Variants in SMIM15 observed in about 807,000 individuals in gnomAD.
SMIM15 encodes the protein UPF0542 protein C5orf43.
Under a neutral mutation model 6.8 loss-of-function variants are expected in SMIM15, and 5 were observed. The observed-to-expected ratio is 0.74, with a 90% CI of 0.39 to 1.56. The LOEUF is 1.56. Among genes scored for constraint, SMIM15 ranks in the 40% most tolerant of loss-of-function variants. SMIM15 has a pLI of 0.03. For synonymous variants in SMIM15, 30 were observed against 30.8 expected (o/e 0.97, Z 0.09); for missense variants, 81 against 84.8 (o/e 0.96, Z 0.18).
chr5:61,158,027 T>TACACAC lies in SMIM15; in HGVS notation c.*1919_*1920insGTGTGT, dbSNP rs1447371516. 1.7e-3 allele frequency: 97 copies of TACACAC among 57,000 alleles called. No individual in the cohort carries two copies. The highest frequency in any genetic ancestry group is 3.0e-3 in the Non-Finnish European group (77 of 25,692). The allele number at this position is 57,000 out of a possible 1,614,324, so 3.5% of individuals were successfully genotyped here. On this transcript the variant is annotated 3_prime_UTR_variant, in exon 3 of 3. Transcript: ENST00000339020. ...CACACACACACACACACACACACTG[T>TACACAC]AAAGTATGAATCTCACATATATAGA...
chr5:61,160,428 G>C (rs1377642399), intron 2 of SMIM15, among the ~76,000 whole-genome samples: 1 of 151,988 alleles, frequency 6.6e-6, no homozygotes, highest in African/African-American at 2.4e-5. Flanking sequence ...ACTTCAAAGA[G>C]GTAAAGTTAT....
Position 61,159,803 on chromosome 5 carries a change from A to G in SMIM15, c.*144T>C. The G allele has an allele frequency of 2.2e-6, 2 of 908,188 alleles. No individual in the cohort carries two copies. Among genetic ancestry groups the G allele is most frequent in the Non-Finnish European group, 3.3e-6 (2 of 608,110 alleles). The allele number at this position is 908,188 out of a possible 1,614,324, so 56.3% of individuals were successfully genotyped here. On this transcript the variant is annotated 3_prime_UTR_variant, in exon 3 of 3. Transcript: ENST00000339020. ...AAGTTACTATAGTATTGAGGTCAGA[A>G]CTAACATGATTCTTCCATTTGGTCA...
chr5:61,159,657 T>A lies in SMIM15; in HGVS notation c.*290A>T. The A allele has an allele frequency of 2.9e-6, 1 of 341,230 alleles. No individual in the cohort carries two copies. Among genetic ancestry groups the A allele is most frequent in the Non-Finnish European group, 5.4e-6 (1 of 185,770 alleles). The allele number at this position is 341,230 out of a possible 1,614,324, so 21.1% of individuals were successfully genotyped here. ...CTTTTCCCCACAAGATGTTTTCATTTCAGTATATAAACTGCTAAGCGGCAA... is the reference window on the plus strand; with the variant it reads ...CTTTTCCCCACAAGATGTTTTCATTACAGTATATAAACTGCTAAGCGGCAA... On this transcript the variant is annotated 3_prime_UTR_variant, in exon 3 of 3. Coordinates refer to ENST00000339020, the MANE Select transcript of SMIM15 (RefSeq NM_001048249.4).
rs1741409255 is a variant in SMIM15, at chr5:61,161,071, T to TA, written c.-29+16_-29+17insT. On this transcript the variant is annotated intron_variant, in intron 2 of 2. Transcript: ENST00000339020. Reference sequence around the variant, plus strand: ...ACTTACAATTTCAACTGGAATTTTTTTAAAAAAATCATCTACCTTATGCTT... The same window carrying TA: ...ACTTACAATTTCAACTGGAATTTTTTATAAAAAAATCATCTACCTTATGCTT... 6.6e-6 allele frequency: 1 copy of TA among 152,146 alleles called. No homozygotes were observed. Among genetic ancestry groups the TA allele is most frequent in the Non-Finnish European group, 1.5e-5 (1 of 68,016 alleles). 9.4% of individuals were successfully genotyped at this position (152,146 alleles called of 1,614,324 possible).
rs775831887 is a variant in SMIM15 at position 61,158,889 on chromosome 5, A to G, written c.*1058T>C. The G allele has an allele frequency of 2.0e-5, 3 of 152,172 alleles. No homozygotes were observed. Among genetic ancestry groups the G allele is most frequent in the South Asian group, 2.1e-4 (1 of 4,832 alleles). 9.4% of individuals were successfully genotyped at this position (152,172 alleles called of 1,614,324 possible). ...TGATATAATTTATCCTTTTCACCCAATCACTACTATGCCCAACAAAATGTT... is the reference window on the plus strand; with the variant it reads ...TGATATAATTTATCCTTTTCACCCAGTCACTACTATGCCCAACAAAATGTT... On this transcript the variant is annotated 3_prime_UTR_variant, in exon 3 of 3. Transcript: ENST00000339020.
chr5:61,161,825 ATATCT>A (rs1741422800), intron 1 of SMIM15, among the ~76,000 whole-genome samples: 2 of 152,216 alleles, frequency 1.3e-5, no homozygotes, highest in Non-Finnish European at 2.9e-5. Context: ...AATACGTTAA[ATATCT>A]TAGCTCCTGG....
chr5:61,160,711 T>C (rs561209254), intron 2 of SMIM15, among the ~76,000 whole-genome samples: 12 of 152,372 alleles, frequency 7.9e-5, no homozygotes, highest in African/African-American at 2.4e-4. Context: ...AGATGACTAT[T>C]TCCCCGAATG....
In SMIM15 at chr5:61,162,181, C is replaced by T. The variant is rs1741432564; in HGVS notation, c.-169+36G>A. 1 of 152,522 alleles carries T rather than the reference C, an allele frequency of 6.6e-6. No individual in the cohort carries two copies. Among genetic ancestry groups the T allele is most frequent in the Non-Finnish European group, 1.5e-5 (1 of 68,282 alleles). 9.4% of individuals were successfully genotyped at this position (152,522 alleles called of 1,614,324 possible). A position where few individuals can be genotyped will look rare whatever the true frequency, so the allele number is the denominator to read the frequency against. On this transcript the variant is annotated intron_variant, in intron 1 of 2. Transcript: ENST00000339020. The surrounding 1 kb of genome is among the most constrained non-coding windows in gnomAD (Gnocchi z 4.4). ...TTCCTCCTTTGTCTTTCCCTTATTC[C>T]TTACGTTTCTCCCTTGCTCACTCTT...
chr5:61,161,881 A>G (rs971434924), intron 1 of SMIM15, among the ~76,000 whole-genome samples: 5 of 152,206 alleles, frequency 3.3e-5, no homozygotes, highest in African/African-American at 1.2e-4. Context: ...ATTAGGTACT[A>G]CTGAGATCGA....
chr5:61,160,031 C>G lies in SMIM15; in HGVS notation c.141G>C (p.Met47Ile). The change falls in exon 3 of 3, where the codon ATG becomes ATC. Residue 47 changes from methionine to isoleucine, a missense_variant. Transcript: ENST00000339020. ...TTTGCTCCTTCTCCCTGGCCTCAAT[C>G]ATCTTGGCCAATTTCCAAGACAGTA... ...SAVLSWKLAK[M>I]IEAREKEQKK... 6.2e-7 allele frequency: 1 copy of G among 1,614,124 alleles called. No individual in the cohort carries two copies. The highest frequency in any genetic ancestry group is 2.2e-5 in the East Asian group (1 of 44,878).
rs1291128509 is a variant in SMIM15 at position 61,161,092 on chromosome 5, T to C, written c.-33A>G. The C allele has an allele frequency of 6.6e-6, 1 of 152,212 alleles. No individual in the cohort carries two copies. Among genetic ancestry groups the C allele is most frequent in the Non-Finnish European group, 1.5e-5 (1 of 68,042 alleles). 9.4% of individuals were successfully genotyped at this position (152,212 alleles called of 1,614,324 possible). A position where few individuals can be genotyped will look rare whatever the true frequency, so the allele number is the denominator to read the frequency against. On this transcript the variant is annotated 5_prime_UTR_variant, in exon 2 of 3. Transcript: ENST00000339020. Reference sequence around the variant, plus strand: ...TTTTTTAAAAAAATCATCTACCTTATGCTTGAGTAGTGATCCCTTAACTTT... The same window carrying C: ...TTTTTTAAAAAAATCATCTACCTTACGCTTGAGTAGTGATCCCTTAACTTT...
chr5:61,160,142 A>C lies in SMIM15; in HGVS notation c.30T>G (p.Tyr10Ter). 1.2e-6 allele frequency: 2 copies of C among 1,614,188 alleles called. No individual in the cohort carries two copies. The highest frequency in any genetic ancestry group is 1.7e-6 in the Non-Finnish European group (2 of 1,180,008). ...GGTCCTTTGCAGCCCATTCCACAAC[A>C]TACTCAGCCCAAGCCTTTATATCAA... MFDIKAWAEYVVEWAAKDPY... is the reference protein window; with the variant it reads MFDIKAWAE Residue 10 changes from tyrosine (Y) to a stop codon, truncating the protein, a stop_gained, in exon 3 of 3, where the codon TAT (tyrosine) becomes TAG (stop). Transcript: ENST00000339020. LOFTEE classifies it high-confidence loss of function.
At position 61,160,188 on chromosome 5, in the gene SMIM15, T is replaced by C. The variant is rs778720713; in HGVS notation, c.-17A>G. 1.4e-5 allele frequency: 22 copies of C among 1,607,860 alleles called. No individual in the cohort carries two copies. The East Asian group carries it at 2.9e-4, about 21-fold the overall frequency. Reference sequence around the variant, plus strand: ...ATCAAACATCTTCACAGCAGTCTTATGAAAACTGGGGCTGGGGGAGGCGGG... The same window carrying C: ...ATCAAACATCTTCACAGCAGTCTTACGAAAACTGGGGCTGGGGGAGGCGGG... On this transcript the variant is annotated 5_prime_UTR_variant, in exon 3 of 3. Coordinates refer to ENST00000339020, the MANE Select transcript of SMIM15 (RefSeq NM_001048249.4).
rs562680274 is a variant in SMIM15, at chr5:61,158,208, G to C, written c.*1739C>G. On this transcript the variant is annotated 3_prime_UTR_variant, in exon 3 of 3. Coordinates refer to ENST00000339020, the MANE Select transcript of SMIM15 (RefSeq NM_001048249.4). ...AACTGATGAAACCATAACTTTAGTA[G>C]GTAACTGAGAATTATGACTATATCC... 5 of 152,176 alleles carry C rather than the reference G, an allele frequency of 3.3e-5. No homozygotes were observed. Among genetic ancestry groups the C allele is most frequent in the African/African-American group, 1.2e-4 (5 of 41,532 alleles). The allele number at this position is 152,176 out of a possible 1,614,324, so 9.4% of individuals were successfully genotyped here.
At chr5:61,161,947 A>C (rs937523915) in intron 1 of SMIM15, 1 of 152,228 alleles carries the variant, frequency 6.6e-6, no homozygotes, top group Non-Finnish European at 1.5e-5. Flanking sequence ...TTTCAGAAAT[A>C]AGCAAAAGAA....
At chr5:61,160,976 T>G (rs1361195310) in intron 2 of SMIM15, 112 bp downstream of exon 2, 4 of 152,216 alleles carry the variant, frequency 2.6e-5, no homozygotes, top group Non-Finnish European at 5.9e-5. Context: ...CTCCCTTTCA[T>G]GTTTGTGTCA....
Position 61,158,308 on chromosome 5 carries a change from G to A in SMIM15, c.*1639C>T, listed in dbSNP as rs1741357565. 6.6e-6 allele frequency: 1 copy of A among 152,116 alleles called. No homozygotes were observed. The highest frequency in any genetic ancestry group is 2.4e-5 in the African/African-American group (1 of 41,420). 9.4% of individuals were successfully genotyped at this position (152,116 alleles called of 1,614,324 possible). On this transcript the variant is annotated 3_prime_UTR_variant, in exon 3 of 3. Coordinates refer to ENST00000339020, the MANE Select transcript of SMIM15 (RefSeq NM_001048249.4). ...CATAAATTCTTTCCATGAACAGCTT[G>A]ATTGCAGAAAACCAAACATATTATA...
At position 61,161,126 on chromosome 5, in the gene SMIM15, G is replaced by A. The variant is rs1741410740; in HGVS notation, c.-67C>T. 6.6e-6 allele frequency: 1 copy of A among 152,116 alleles called. No individual in the cohort carries two copies. Among genetic ancestry groups the A allele is most frequent in the Non-Finnish European group, 1.5e-5 (1 of 68,032 alleles). 9.4% of individuals were successfully genotyped at this position (152,116 alleles called of 1,614,324 possible). A position where few individuals can be genotyped will look rare whatever the true frequency, so the allele number is the denominator to read the frequency against. On this transcript the variant is annotated 5_prime_UTR_variant, in exon 2 of 3. Coordinates refer to ENST00000339020, the MANE Select transcript of SMIM15 (RefSeq NM_001048249.4). ...AGTGATCCCTTAACTTTGTCCTGGTGTTATTAGTGACCCAATCACGACTTC... is the reference window on the plus strand; with the variant it reads ...AGTGATCCCTTAACTTTGTCCTGGTATTATTAGTGACCCAATCACGACTTC...
chr5:61,160,779 T>C (rs930525121), intron 2 of SMIM15, among the ~76,000 whole-genome samples: 2 of 152,186 alleles, frequency 1.3e-5, no homozygotes, highest in Non-Finnish European at 2.9e-5. Flanking sequence ...AAGCAAAAAG[T>C]ACTGTGCTAT....
Sources: allele counts gnomAD v4.1 joint callset (sites outside exome capture counted in the v4.1 genomes callset), GRCh38; gene constraint gnomAD v4.1.1; non-coding constraint Gnocchi (gnomAD v3.1); transcripts MANE v1.5; gene names NCBI Gene and HGNC (gene_info 2026-07-23, HGNC 2026-07-21).